The following TDRD5 variants were observed in gnomAD, a reference collection of about 807,000 sequenced individuals.
TDRD5 encodes tudor domain containing 5.
In TDRD5, 41 loss-of-function variants were observed where a neutral mutation model predicts 120.6. The ratio of observed to expected loss-of-function variants is 0.34; its 90% CI spans 0.26 to 0.44. TDRD5 has a LOEUF of 0.44. Ranked by LOEUF, TDRD5 falls within the 20% of genes least tolerant of loss-of-function variation. The probability of loss-of-function intolerance (pLI) is 1.00; values close to 1 mark genes in which losing one functional copy is unlikely to be tolerated. For synonymous variants in TDRD5, 430 were observed against 433.7 expected, an observed-to-expected ratio of 0.99 and a Z score of 0.11; for missense variants, 1,006 against 1,221.2, an observed-to-expected ratio of 0.82 and a Z score of 2.63.
chr1:179,678,098 T>G (rs1233838881), intron 17 of TDRD5, among the ~76,000 whole-genome samples: 2 of 150,370 alleles, frequency 1.3e-5, no homozygotes, highest in Non-Finnish European at 3.0e-5. Context: ...GGGGTGGGGG[T>G]GTGGTTCCCA....
chr1:179,668,991 G>A (rs929863978), intron 16 of TDRD5, among the ~76,000 whole-genome samples: 7 of 151,850 alleles, frequency 4.6e-5, no homozygotes, highest in South Asian at 2.1e-4. Context: ...TGATCCGCCC[G>A]CCTCGGCCTC....
In TDRD5 at chr1:179,634,449, G is replaced by A. The variant is rs767991133; in HGVS notation, c.1127-8G>A. 11 of 1,585,796 alleles carry A rather than the reference G, an allele frequency of 6.9e-6. No individual in the cohort carries two copies. In the East Asian group the frequency reaches 8.9e-5, roughly 13 times the overall value. ...GAGTTGTTTCATCAGTCGGAAATTT[G>A]TGTTTAGTTCAGTCAGATAAGAAAA... is the stretch of plus-strand genomic sequence containing the variant. On this transcript the variant is annotated splice_polypyrimidine_tract_variant and splice_region_variant and intron_variant, in intron 7 of 17. Coordinates refer to ENST00000444136, the MANE Select transcript of TDRD5 (RefSeq NM_001199085.3).
At position 179,592,709 on chromosome 1, in the gene TDRD5, GAGA is replaced by G. The variant is rs766379105; in HGVS notation, c.97_99del (p.Lys33del). The G allele has an allele frequency of 1.2e-6, 2 of 1,613,982 alleles. No homozygotes were observed. The highest frequency in any genetic ancestry group is 1.7e-5 in the Admixed American group (1 of 59,996). ...AGATGGTTTGAGCCCACAGGAGTTG[GAGA>G]AGGAGTACCTTTTGATGGTTGGCAA... On this transcript the variant is annotated inframe_deletion, in exon 2 of 18. Coordinates refer to ENST00000444136, the MANE Select transcript of TDRD5 (RefSeq NM_001199085.3).
intron 15 of TDRD5, among the ~76,000 whole-genome samples, 200 bp downstream of exon 15, chr1:179,662,486 G>T (rs1423281920): frequency 8.5e-5 from 13 of 152,078 alleles, no homozygotes; most frequent in Admixed American, 7.9e-4. Flanking sequence ...CAGCTACTTG[G>T]AAGGTTGAGG....
At chr1:179,629,145 T>C (rs1316093580) in intron 6 of TDRD5, among the ~76,000 whole-genome samples, 1 of 152,172 alleles carries the variant, frequency 6.6e-6, no homozygotes, top group Non-Finnish European at 1.5e-5. Context: ...TCTCATCTGC[T>C]TGTTTCTCTT....
Position 179,592,852 on chromosome 1 carries a change from G to T in TDRD5, c.232+5G>T, listed in dbSNP as rs1181667567. The T allele has an allele frequency of 7.4e-6, 12 of 1,613,422 alleles. No homozygotes were observed. Among genetic ancestry groups the T allele is most frequent in the Non-Finnish European group, 9.3e-6 (11 of 1,179,604 alleles). ...GTGGTACTGTAATACTGAAAGGTAG[G>T]TTTAAGATTTTTGAAGGTCTATAAA... On this transcript the variant is annotated splice_donor_5th_base_variant and intron_variant, in intron 2 of 17. Transcript: ENST00000444136.
Position 179,646,580 on chromosome 1 carries a change from C to A in TDRD5, c.1801-4287C>A, listed in dbSNP as rs138157767. Among the ~76,000 whole-genome samples the A allele has an allele frequency of 9.2e-3, 1,350 of 146,264 alleles. 63 individuals are homozygous for A. Among genetic ancestry groups the A allele is most frequent in the East Asian group, 0.065 (317 of 4,914 alleles). On this transcript the variant is annotated intron_variant, in intron 11 of 17. Coordinates refer to ENST00000444136, the MANE Select transcript of TDRD5 (RefSeq NM_001199085.3). ...GCCCTGTCTCACCACTCCTATTCAA[C>A]ATAGTGTTGGAAGTTCCGGCCAGGG...
At chr1:179,678,842 T>G (rs1008177509) in intron 17 of TDRD5, among the ~76,000 whole-genome samples, 1 of 152,236 alleles carries the variant, frequency 6.6e-6, no homozygotes, top group African/African-American at 2.4e-5. Flanking sequence ...AGTTTACTAC[T>G]TGTGAAATTG....
intron 14 of TDRD5, among the ~76,000 whole-genome samples, chr1:179,657,564 C>T (rs1453821529): frequency 6.6e-6 from 1 of 151,998 alleles, no homozygotes; most frequent in African/African-American, 2.4e-5. Context: ...AGATATTGGT[C>T]TGTAGTTTTC....
intron 17 of TDRD5, among the ~76,000 whole-genome samples, chr1:179,680,606 TG>T (rs1680370234): frequency 6.6e-6 from 1 of 152,254 alleles, no homozygotes; most frequent in Non-Finnish European, 1.5e-5. Context: ...TCTTTTGATT[TG>T]CATTTGCAGG....
Position 179,691,096 on chromosome 1 carries a change from A to G in TDRD5, c.*153A>G, listed in dbSNP as rs1681129399. On this transcript the variant is annotated 3_prime_UTR_variant, in exon 18 of 18. Coordinates refer to ENST00000444136, the MANE Select transcript of TDRD5 (RefSeq NM_001199085.3). ...TATATGTTAGCTTTATTATGCTAAC[A>G]GTCTACTTTGATGTGTAAGTAAGTA... The G allele has an allele frequency of 9.9e-7, 1 of 1,005,942 alleles. No homozygotes were observed. The highest frequency in any genetic ancestry group is 1.6e-5 in the African/African-American group (1 of 61,462). The allele number at this position is 1,005,942 out of a possible 1,614,324, so 62.3% of individuals were successfully genotyped here. A position where few individuals can be genotyped will look rare whatever the true frequency, so the allele number is the denominator to read the frequency against.
intron 17 of TDRD5, among the ~76,000 whole-genome samples, chr1:179,676,651 T>C (rs1230522517): frequency 2.0e-5 from 3 of 152,232 alleles, no homozygotes; most frequent in Non-Finnish European, 2.9e-5. Context: ...ATAATTGTTT[T>C]GTTTAAGGAG....
chr1:179,602,919 T>C (rs762549709), intron 4 of TDRD5, among the ~76,000 whole-genome samples: 4 of 152,180 alleles, frequency 2.6e-5, no homozygotes, highest in Non-Finnish European at 5.9e-5. Context: ...TGAAGAATGA[T>C]AGTGATATTA....
intron 6 of TDRD5, among the ~76,000 whole-genome samples, chr1:179,623,624 TC>T (rs1190445986): frequency 9.6e-6 from 1 of 103,806 alleles, no homozygotes; most frequent in Non-Finnish European, 1.9e-5. Flanking sequence ...TCCAACTCAT[TC>T]TTTTTTTTTT....
chr1:179,631,651 A>T (rs72706740), intron 7 of TDRD5, among the ~76,000 whole-genome samples: 13,654 of 152,090 alleles, frequency 0.09, 667 homozygotes, highest in Middle Eastern at 0.12. Flanking sequence ...AGAGTTCCCA[A>T]AAACCTTTCA....
At chr1:179,639,414 A>C (rs1028071464) in intron 9 of TDRD5, among the ~76,000 whole-genome samples, 1 of 152,232 alleles carries the variant, frequency 6.6e-6, no homozygotes, top group African/African-American at 2.4e-5. Flanking sequence ...ACAAAGAAGT[A>C]GAGAATTGTG....
intron 9 of TDRD5, 96 bp downstream of exon 9, chr1:179,635,983 C>T (rs1244349769): frequency 1.9e-6 from 2 of 1,066,650 alleles, no homozygotes; most frequent in Non-Finnish European, 2.6e-6. Context: ...ATTAAAGACC[C>T]AAGAGAGCTT....
At chr1:179,630,100 C>T (rs1207558985) in intron 6 of TDRD5, among the ~76,000 whole-genome samples, 2 of 151,936 alleles carry the variant, frequency 1.3e-5, no homozygotes, top group African/African-American at 2.4e-5. Flanking sequence ...CGGGTTCATG[C>T]CATTCTCCGG....
rs564911011 is a variant in TDRD5, at chr1:179,664,625, A to C, written c.2649+1134A>C. 9.3e-4 allele frequency among the ~76,000 whole-genome samples: 141 copies of C among 152,292 alleles called. 3 individuals are homozygous for C. The South Asian group carries it at 0.028, about 30-fold the overall frequency. On this transcript the variant is annotated intron_variant, in intron 16 of 17. Transcript: ENST00000444136. ...CTTCAAAATTCATCCTTGTTGTAGTATGAACCAGTACTTTATTCCTTTCTA... is the reference window on the plus strand; with the variant it reads ...CTTCAAAATTCATCCTTGTTGTAGTCTGAACCAGTACTTTATTCCTTTCTA...
Sources: allele counts gnomAD v4.1 joint callset (sites outside exome capture counted in the v4.1 genomes callset), GRCh38; gene constraint gnomAD v4.1.1; transcripts MANE v1.5; gene names NCBI Gene and HGNC (gene_info 2026-07-23, HGNC 2026-07-21).